The following CSPP1 variants were observed in gnomAD, a reference collection of about 807,000 sequenced individuals.
CSPP1 encodes the protein centrosome and spindle pole-associated protein 1.
In CSPP1, 126 loss-of-function variants were observed where a neutral mutation model predicts 164.4. The ratio of observed to expected loss-of-function variants is 0.77; its 90% CI spans 0.66 to 0.89. The LOEUF (loss-of-function observed/expected upper bound fraction) is 0.89. CSPP1 is among the 40% of genes least tolerant of loss of function. CSPP1 has a pLI of 0.00. For missense variants in CSPP1, 1,395 were observed against 1,449.8 expected, an observed-to-expected ratio of 0.96 and a Z score of 0.61; for synonymous variants, 472 against 476.7, an observed-to-expected ratio of 0.99 and a Z score of 0.13.
intron 3 of CSPP1, chr8:67,083,567 A>ATATATG (rs1809771429): frequency 1.4e-5 from 2 of 143,796 alleles, no homozygotes; most frequent in African/African-American, 5.1e-5. Context: ...ATATATATAT[A>ATATATG]TATATATGTA....
At chr8:67,192,718 CT>C (rs1269756699) in intron 29 of CSPP1, among the ~76,000 whole-genome samples, 2 of 152,208 alleles carry the variant, frequency 1.3e-5, no homozygotes, top group African/African-American at 4.8e-5. Flanking sequence ...CAAGTCCATT[CT>C]TTTGCATGTG....
At position 67,154,063 on chromosome 8, in the gene CSPP1, A is replaced by G. The variant is rs1826216893; in HGVS notation, c.2168A>G (p.Asn723Ser). ...CAGAGCTCTCCTTTTGCTCGGGGAA[A>G]TGTATTTGGTGAGCCTCCAACTGAA... ...QTQSSPFARGNVFGEPPTELQ... is the reference protein window; with the variant it reads ...QTQSSPFARGSVFGEPPTELQ... Residue 723 changes from asparagine to serine, a missense_variant, in exon 19 of 31, where the codon AAT (asparagine) becomes AGT (serine). Transcript: ENST00000678616. 6.2e-7 allele frequency: 1 copy of G among 1,607,576 alleles called. No homozygotes were observed. The highest frequency in any genetic ancestry group is 8.5e-7 in the Non-Finnish European group (1 of 1,175,002).
intron 24 of CSPP1, among the ~76,000 whole-genome samples, chr8:67,167,970 A>C (rs1829769881): frequency 1.3e-5 from 2 of 152,190 alleles, no homozygotes; most frequent in South Asian, 4.1e-4. Flanking sequence ...GGTTGTAGCC[A>C]GCCGAGATCA....
chr8:67,083,548 A>AAAAAAAAAAAAAAAAAAAAAATATATAT (rs1332248754), intron 3 of CSPP1: 1 of 91,502 alleles, frequency 1.1e-5, no homozygotes, highest in African/African-American at 4.5e-5. Flanking sequence ...AAAAAAAAAA[A>AAAAAAAAAAAAAAAAAAAAAATATATAT]ATATATATAT....
At position 67,074,231 on chromosome 8, in the gene CSPP1, T is replaced by A; in HGVS notation, c.-10-12T>A. The A allele has an allele frequency of 6.4e-7, 1 of 1,559,244 alleles. No individual in the cohort carries two copies. Among genetic ancestry groups the A allele is most frequent in the Non-Finnish European group, 8.8e-7 (1 of 1,135,294 alleles). On this transcript the variant is annotated splice_polypyrimidine_tract_variant and intron_variant, in intron 1 of 30. Transcript: ENST00000678616. ...GTGATATAGATACGCTCACTGAAAT[T>A]TTTTTTTAAAGAATCTGCAAAATGG...
intron 19 of CSPP1, among the ~76,000 whole-genome samples, chr8:67,158,180 CTG>C (rs796764373): frequency 7.2e-5 from 11 of 152,286 alleles, no homozygotes; most frequent in African/African-American, 2.2e-4. Flanking sequence ...GCGTTAATAA[CTG>C]TGTTTACCAG....
At chr8:67,083,477 A>G (rs1809643129) in intron 3 of CSPP1, among the ~76,000 whole-genome samples, 2 of 144,040 alleles carry the variant, frequency 1.4e-5, no homozygotes, top group South Asian at 4.4e-4. Context: ...GGTTGCAGTG[A>G]GCCAAGATTG....
rs1483023077 is a variant in CSPP1, at chr8:67,095,338, G to C, written c.529G>C (p.Asp177His). 2.5e-6 allele frequency: 4 copies of C among 1,600,916 alleles called. No individual in the cohort carries two copies. Among genetic ancestry groups the C allele is most frequent in the South Asian group, 1.1e-5 (1 of 87,898 alleles). ...NKKPIGQVKP[D>H]LTSQIQTSCE... ...AAAACCTATTGGTCAAGTTAAGCCTGATCTAACTTCACAAATACAGACATC... is the reference window on the plus strand; with the variant it reads ...AAAACCTATTGGTCAAGTTAAGCCTCATCTAACTTCACAAATACAGACATC... The change falls in exon 7 of 31, where the codon GAT becomes CAT. Residue 177 changes from aspartate (D) to histidine (H), a missense_variant. Asp to His is a moderately conservative substitution (Grantham distance 81). Transcript: ENST00000678616.
chr8:67,166,023 T>A lies in CSPP1; in HGVS notation c.2828+1515T>A, dbSNP rs146635870. ...ATGTATATTTATCATATACTTTGGG[T>A]TATAAGCCAGTGCTACATTATTTTA... On this transcript the variant is annotated intron_variant, in intron 24 of 30. Transcript: ENST00000678616. 1.6e-4 allele frequency among the ~76,000 whole-genome samples: 24 copies of A among 152,308 alleles called. No homozygotes were observed. The East Asian group carries it at 4.2e-3, about 27-fold the overall frequency.
Position 67,064,486 on chromosome 8 carries a change from C to CGCTCCCCTGAGTAA in CSPP1, c.-61_-48dup. 1 of 1,613,798 alleles carries CGCTCCCCTGAGTAA rather than the reference C, an allele frequency of 6.2e-7. No individual in the cohort carries two copies. The highest frequency in any genetic ancestry group is 8.5e-7 in the Non-Finnish European group (1 of 1,179,894). ...CTGTGTGTCTCCCCGGACGCGAGCCCGCTCCCCTGAGTAAGAGTCAGCCAG... is the reference window on the plus strand; with the variant it reads ...CTGTGTGTCTCCCCGGACGCGAGCCCGCTCCCCTGAGTAAGCTCCCCTGAGTAAGAGTCAGCCAG... On this transcript the variant is annotated 5_prime_UTR_variant, in exon 1 of 31. Transcript: ENST00000678616.
At chr8:67,099,851 A>AAAAG in intron 7 of CSPP1, among the ~76,000 whole-genome samples, 1 of 152,300 alleles carries the variant, frequency 6.6e-6, no homozygotes, top group Middle Eastern at 3.4e-3. Flanking sequence ...TGGCTAACTT[A>AAAAG]CCAAACTATA....
At chr8:67,133,927 C>T (rs892246543) in intron 16 of CSPP1, 1 of 152,228 alleles carries the variant, frequency 6.6e-6, no homozygotes, top group Non-Finnish European at 1.5e-5. Flanking sequence ...AACTCCTCAT[C>T]CATTAAAATT....
chr8:67,080,650 C>A (rs1808951841), intron 3 of CSPP1, among the ~76,000 whole-genome samples: 1 of 152,228 alleles, frequency 6.6e-6, no homozygotes, highest in South Asian at 2.1e-4. Flanking sequence ...TTTCCCCTAT[C>A]CCCTCAAGTT....
chr8:67,105,485 A>C (rs892688037), intron 8 of CSPP1, among the ~76,000 whole-genome samples: 7 of 151,956 alleles, frequency 4.6e-5, no homozygotes, highest in Middle Eastern at 3.2e-3. Context: ...GTTTCAAGTG[A>C]TTCTCCTGTG....
At chr8:67,160,032 T>TTTTCTTTTCTTTTCTTTTCTTTTCTTTTC (rs1374192240) in intron 21 of CSPP1, among the ~76,000 whole-genome samples, 1 of 88,200 alleles carries the variant, frequency 1.1e-5, no homozygotes, top group Non-Finnish European at 2.0e-5. Flanking sequence ...TTTTCTTTTC[T>TTTTCTTTTCTTTTCTTTTCTTTTCTTTTC]TTTTCTTTTT....
chr8:67,143,176 T>A (rs181634111), intron 17 of CSPP1, among the ~76,000 whole-genome samples: 1 of 152,100 alleles, frequency 6.6e-6, no homozygotes, highest in Non-Finnish European at 1.5e-5. Flanking sequence ...TCTGTGAAAT[T>A]CCTCTTTCTC....
chr8:67,087,528 T>C (rs1810659889), intron 4 of CSPP1, among the ~76,000 whole-genome samples: 1 of 152,200 alleles, frequency 6.6e-6, no homozygotes, highest in South Asian at 2.1e-4. Context: ...TGGGAATTTC[T>C]ATTTTGTGAG....
intron 28 of CSPP1, among the ~76,000 whole-genome samples, chr8:67,190,253 A>G (rs772900440): frequency 6.6e-6 from 1 of 152,238 alleles, no homozygotes; most frequent in Non-Finnish European, 1.5e-5. Context: ...AAAATGTAAT[A>G]AACAACTTAA....
At chr8:67,179,012 T>C (rs1314839057) in intron 27 of CSPP1, among the ~76,000 whole-genome samples, 1 of 152,206 alleles carries the variant, frequency 6.6e-6, no homozygotes, top group Non-Finnish European at 1.5e-5. Context: ...CACTTTCTGA[T>C]TAAAGAATGC....
Sources: gnomAD v4.1 joint callset for allele counts (sites outside exome capture counted in the v4.1 genomes callset) on GRCh38, gnomAD v4.1.1 for gene constraint, MANE v1.5 for transcripts, NCBI Gene and HGNC (gene_info 2026-07-23, HGNC 2026-07-21) for gene names.